CHRM3: variants seen among roughly 807,000 people sequenced by gnomAD.
The protein encoded by CHRM3 is cholinergic receptor muscarinic 3, also known as muscarinic acetylcholine receptor M3.
Under a neutral mutation model 41.8 loss-of-function variants are expected in CHRM3, and 11 were observed. The observed-to-expected ratio is 0.26, with a 90% CI of 0.17 to 0.44. The LOEUF is 0.44. Ranked by LOEUF, CHRM3 falls within the 20% of genes least tolerant of loss-of-function variation. The pLI is 1.00. For missense variants in CHRM3, 571 were observed against 745.4 expected, an observed-to-expected ratio of 0.77 and a Z score of 2.72; for synonymous variants, 297 against 301.4, an observed-to-expected ratio of 0.99 and a Z score of 0.15.
intron 4 of CHRM3, among the ~76,000 whole-genome samples, chr1:239,653,294 T>A (rs1308414572): frequency 6.6e-6 from 1 of 152,140 alleles, no homozygotes; most frequent in Non-Finnish European, 1.5e-5. Context: ...GCAGATGTCA[T>A]CTGGGAGATG....
rs531571369 is a variant in CHRM3 at position 239,468,021 on chromosome 1, T to C, written c.-520-24688T>C. Among the ~76,000 whole-genome samples, 19 of 152,186 alleles carry C rather than the reference T, an allele frequency of 1.2e-4. No homozygotes were observed. In the East Asian group the frequency reaches 3.7e-3, roughly 29 times the overall value. Reference sequence around the variant, plus strand: ...CAGATGGAAATATGCTAAAAGCACATGGCCCTTACACTTTATTCTTTAAAA... The same window carrying C: ...CAGATGGAAATATGCTAAAAGCACACGGCCCTTACACTTTATTCTTTAAAA... On this transcript the variant is annotated intron_variant, in intron 1 of 6. Coordinates refer to ENST00000676153, the MANE Select transcript of CHRM3 (RefSeq NM_001375978.1).
intron 1 of CHRM3, among the ~76,000 whole-genome samples, chr1:239,469,731 A>G (rs1013368078): frequency 4.0e-5 from 6 of 151,818 alleles, no homozygotes; most frequent in African/African-American, 1.5e-4. Context: ...TAATTTTTGT[A>G]CTTTTAGTAG....
intron 4 of CHRM3, among the ~76,000 whole-genome samples, chr1:239,656,331 TA>T (rs34207520): frequency 1.3e-5 from 2 of 150,924 alleles, no homozygotes; most frequent in Non-Finnish European, 3.0e-5. Context: ...TATTTTTTTT[TA>T]AAAAAAGGGT....
intron 6 of CHRM3, among the ~76,000 whole-genome samples, chr1:239,845,879 A>C (rs1401958500): frequency 6.6e-6 from 1 of 152,212 alleles, no homozygotes; most frequent in Non-Finnish European, 1.5e-5. Context: ...GTTTTTCCAA[A>C]GTATCACTCT....
At chr1:239,399,470 C>T (rs1029233253) in intron 1 of CHRM3, among the ~76,000 whole-genome samples, 1 of 151,698 alleles carries the variant, frequency 6.6e-6, no homozygotes, top group Non-Finnish European at 1.5e-5. Flanking sequence ...CTAAATGAAA[C>T]TTTGTACCTT....
At chr1:239,611,703 G>T (rs181334340) in intron 3 of CHRM3, among the ~76,000 whole-genome samples, 1 of 152,128 alleles carries the variant, frequency 6.6e-6, no homozygotes, top group Non-Finnish European at 1.5e-5. Context: ...ACAGGCATGA[G>T]CCACCGCACC....
chr1:239,477,477 G>T (rs1378479675), intron 1 of CHRM3, among the ~76,000 whole-genome samples: 1 of 152,214 alleles, frequency 6.6e-6, no homozygotes, highest in African/African-American at 2.4e-5. Flanking sequence ...AATGTATTAA[G>T]AGTCCCTGGG....
At chr1:239,572,586 C>G (rs1166160210) in intron 3 of CHRM3, among the ~76,000 whole-genome samples, 2 of 152,184 alleles carry the variant, frequency 1.3e-5, no homozygotes, top group East Asian at 3.9e-4. Flanking sequence ...CCCCATTGCT[C>G]TTTGAAACTA....
chr1:239,754,041 G>T (rs1346795755), intron 5 of CHRM3, among the ~76,000 whole-genome samples: 2 of 152,112 alleles, frequency 1.3e-5, no homozygotes, highest in Non-Finnish European at 2.9e-5. Context: ...GCCAAACATT[G>T]TGCTTAGCAT....
intron 1 of CHRM3, among the ~76,000 whole-genome samples, chr1:239,444,810 A>G (rs1664004805): frequency 1.3e-5 from 2 of 152,192 alleles, no homozygotes; most frequent in African/African-American, 2.4e-5. Context: ...GCCCAGAAGA[A>G]TGGGATGAAC....
chr1:239,794,039 C>G (rs1428611061), intron 5 of CHRM3, among the ~76,000 whole-genome samples: 1 of 151,910 alleles, frequency 6.6e-6, no homozygotes, highest in Non-Finnish European at 1.5e-5. Context: ...GTCTCTTACT[C>G]AAGCAATCAC....
At chr1:239,793,803 A>ATTTTTTTTTTTTTT (rs67460907) in intron 5 of CHRM3, among the ~76,000 whole-genome samples, 14 of 69,496 alleles carry the variant, frequency 2.0e-4, no homozygotes, top group East Asian at 4.5e-4. Context: ...TGAAATGTGT[A>ATTTTTTTTTTTTTT]TTTTTTTTTT....
intron 4 of CHRM3, among the ~76,000 whole-genome samples, chr1:239,635,295 A>G (rs1670339601): frequency 6.6e-6 from 1 of 152,208 alleles, no homozygotes; most frequent in African/African-American, 2.4e-5. Context: ...CCTTCTCAAA[A>G]TCCTTCAACT....
At chr1:239,705,214 AC>A (rs1207038724) in intron 5 of CHRM3, 2 of 152,268 alleles carry the variant, frequency 1.3e-5, no homozygotes, top group Admixed American at 6.5e-5. Flanking sequence ...CTCAAAAAAA[AC>A]ATATGAAAAG....
intron 1 of CHRM3, among the ~76,000 whole-genome samples, chr1:239,393,845 A>C (rs1445496125): frequency 2.0e-5 from 3 of 152,236 alleles, no homozygotes; most frequent in Non-Finnish European, 4.4e-5. Flanking sequence ...AGTTACCTTC[A>C]TGAGAGTATA....
chr1:239,402,812 A>G (rs774518944), intron 1 of CHRM3, among the ~76,000 whole-genome samples: 7 of 152,208 alleles, frequency 4.6e-5, no homozygotes, highest in Non-Finnish European at 8.8e-5. Flanking sequence ...ACCTATGCAT[A>G]TCCTCCCATG....
At chr1:239,763,145 T>C (rs181495750) in intron 5 of CHRM3, among the ~76,000 whole-genome samples, 94 of 152,310 alleles carry the variant, frequency 6.2e-4, no homozygotes, top group Middle Eastern at 3.4e-3. Context: ...ACAAGGTGCA[T>C]ATACAGAAAA....
chr1:239,877,360 T>A (rs1677189979), intron 6 of CHRM3, among the ~76,000 whole-genome samples: 1 of 151,844 alleles, frequency 6.6e-6, no homozygotes, highest in Admixed American at 6.6e-5. Context: ...GGCAGGTGGA[T>A]CACTTGAGGC....
chr1:239,602,716 T>A (rs1035796932), intron 3 of CHRM3, among the ~76,000 whole-genome samples: 1 of 152,158 alleles, frequency 6.6e-6, no homozygotes, highest in Non-Finnish European at 1.5e-5. Context: ...AAATGTTGCA[T>A]GTGTGTTTAT....
Sources: gnomAD v4.1 joint callset for allele counts (sites outside exome capture counted in the v4.1 genomes callset) on GRCh38, gnomAD v4.1.1 for gene constraint, MANE v1.5 for transcripts, NCBI Gene and HGNC (gene_info 2026-07-23, HGNC 2026-07-21) for gene names.